Variants in DLGAP1 observed in about 807,000 individuals in gnomAD.
DLGAP1 encodes the protein DLG associated protein 1.
In DLGAP1, 11 loss-of-function variants were observed where a neutral mutation model predicts 90.8. The observed-to-expected ratio is 0.12, with a 90% confidence interval of 0.08 to 0.20. DLGAP1 has a LOEUF of 0.20. DLGAP1 is among the 10% of genes least tolerant of loss of function. The pLI is 1.00. For synonymous variants in DLGAP1, 558 were observed against 540.7 expected, an observed-to-expected ratio of 1.03 and a Z score of -0.44; for missense variants, 1,050 against 1,333.8, an observed-to-expected ratio of 0.79 and a Z score of 3.31.
intron 1 of DLGAP1, among the ~76,000 whole-genome samples, chr18:4,392,952 G>A (rs138248143): frequency 3.8e-4 from 55 of 145,494 alleles, no homozygotes; most frequent in African/African-American, 1.4e-3. Flanking sequence ...TGCCTTATAC[G>A]TAATCCATCA....
rs556378529 is a variant in DLGAP1, at chr18:3,772,140, CTCCT to C, written c.1173-29632_1173-29629del. ...CCTTTCTTTCTTTTCTTTTCTTTCT[CTCCT>C]TCCTTCCTTCCCTTTCTTTCTCTCC... is the stretch of plus-strand genomic sequence containing the variant. On this transcript the variant is annotated intron_variant, in intron 5 of 12. Coordinates refer to ENST00000315677, the MANE Select transcript of DLGAP1 (RefSeq NM_004746.4). Among the ~76,000 whole-genome samples, 921 of 142,600 alleles carry C rather than the reference CTCCT, an allele frequency of 6.5e-3. 6 individuals carry two copies. The highest frequency in any genetic ancestry group is 8.3e-3 in the Non-Finnish European group (556 of 67,170). 93.6% of individuals were successfully genotyped at this position (142,600 alleles called of 152,430 possible). A position where few individuals can be genotyped will look rare whatever the true frequency, so the allele number is the denominator to read the frequency against.
At chr18:4,313,550 G>A (rs186328296) in intron 1 of DLGAP1, among the ~76,000 whole-genome samples, 20 of 152,266 alleles carry the variant, frequency 1.3e-4, no homozygotes, top group Admixed American at 6.5e-4. Context: ...ACAGTTCATT[G>A]AGGGTGAAAA....
intron 4 of DLGAP1, among the ~76,000 whole-genome samples, chr18:3,843,789 A>G (rs2068852791): frequency 6.6e-6 from 1 of 152,210 alleles, no homozygotes; most frequent in Non-Finnish European, 1.5e-5. Flanking sequence ...TATTGTTGTT[A>G]AAAATTAACT....
At chr18:4,211,661 C>T (rs2077844750) in intron 1 of DLGAP1, among the ~76,000 whole-genome samples, 1 of 152,112 alleles carries the variant, frequency 6.6e-6, no homozygotes, top group African/African-American at 2.4e-5. Context: ...CCCTGCATTT[C>T]ACCCAGAAAG....
In DLGAP1 at chr18:3,879,848, T is replaced by C. The variant is rs2071104027; in HGVS notation, c.221A>G (p.His74Arg). 1 of 1,609,822 alleles carries C rather than the reference T, an allele frequency of 6.2e-7. No homozygotes were observed. Among genetic ancestry groups the C allele is most frequent in the Non-Finnish European group, 8.5e-7 (1 of 1,179,748 alleles). The change falls in exon 4 of 13, where the codon CAC becomes CGC. Residue 74 changes from histidine (H) to arginine (R), a missense_variant. By Grantham distance (29) the His-to-Arg change is conservative. This residue lies in a region of DLGAP1 where 485 missense variants were observed against 454.1 expected (regional missense o/e 1.07). Coordinates refer to ENST00000315677, the MANE Select transcript of DLGAP1 (RefSeq NM_004746.4). The surrounding 1 kb of genome is among the most constrained non-coding windows in gnomAD (Gnocchi z 6.6). ...CTTCAGCTCTTGCTGCGAGGTGTAG[T>C]GCCTGCGGGGGAAGGTGCTGCTGGC... ...PLASSTFPRR[H>R]YTSQQELKDE... is the part of the protein sequence containing the mutation.
At chr18:3,643,890 G>T (rs1203676441) in intron 7 of DLGAP1, among the ~76,000 whole-genome samples, 1 of 152,058 alleles carries the variant, frequency 6.6e-6, no homozygotes, top group Non-Finnish European at 1.5e-5. Context: ...AGCCTACGGA[G>T]GGTAATTTGG....
intron 9 of DLGAP1, among the ~76,000 whole-genome samples, chr18:3,539,990 T>TA (rs1205364952): frequency 2.6e-5 from 4 of 152,110 alleles, no homozygotes; most frequent in African/African-American, 9.7e-5. Context: ...TTAGACATTT[T>TA]AAACTAAGCC....
chr18:3,913,365 C>T (rs1215923768), intron 3 of DLGAP1, among the ~76,000 whole-genome samples: 1 of 152,138 alleles, frequency 6.6e-6, no homozygotes, highest in Non-Finnish European at 1.5e-5. Flanking sequence ...TATAGGATTA[C>T]AGACGTGAAC....
chr18:3,686,754 T>C (rs2146962288), intron 7 of DLGAP1, among the ~76,000 whole-genome samples: 1 of 152,296 alleles, frequency 6.6e-6, no homozygotes, highest in Non-Finnish European at 1.5e-5. Flanking sequence ...ATCCTGCACA[T>C]AGAACAGATG....
intron 3 of DLGAP1, among the ~76,000 whole-genome samples, chr18:3,944,710 T>C (rs773427772): frequency 1.2e-4 from 19 of 152,282 alleles, no homozygotes; most frequent in Non-Finnish European, 2.6e-4. Context: ...AAAGTATATT[T>C]ATTCCTTTTA....
chr18:3,828,843 T>C (rs2067879020), intron 4 of DLGAP1, among the ~76,000 whole-genome samples: 2 of 152,112 alleles, frequency 1.3e-5, no homozygotes, highest in South Asian at 4.1e-4. Context: ...AAATCATTAG[T>C]ACTAACAATG....
intron 4 of DLGAP1, among the ~76,000 whole-genome samples, chr18:3,820,094 T>C (rs1011821050): frequency 3.9e-5 from 6 of 152,274 alleles, no homozygotes; most frequent in Non-Finnish European, 7.3e-5. Context: ...TGTGAGACGA[T>C]GATTGAGAGA....
intron 4 of DLGAP1, chr18:3,874,343 T>C (rs72863445): frequency 0.022 from 34,018 of 1,512,182 alleles, 480 homozygotes; most frequent in Non-Finnish European, 0.027. Context: ...GAGCGTTTTG[T>C]TTCCCTTTTC....
chr18:4,325,666 C>T (rs967118209), intron 1 of DLGAP1, among the ~76,000 whole-genome samples: 1 of 152,014 alleles, frequency 6.6e-6, no homozygotes, highest in African/African-American at 2.4e-5. Context: ...CAAAAATAGA[C>T]ACATAGACCA....
intron 1 of DLGAP1, among the ~76,000 whole-genome samples, chr18:4,251,121 A>C (rs781660995): frequency 1.3e-5 from 2 of 152,198 alleles, no homozygotes; most frequent in Non-Finnish European, 2.9e-5. Context: ...AAGGGTCTTT[A>C]AATCCTCCTG....
intron 5 of DLGAP1, among the ~76,000 whole-genome samples, chr18:3,744,408 T>C (rs2063181963): frequency 6.6e-6 from 1 of 152,122 alleles, no homozygotes; most frequent in Non-Finnish European, 1.5e-5. Context: ...TCAAATTTTA[T>C]GAAGAAAATG....
chr18:4,296,974 G>A (rs1031773789), intron 1 of DLGAP1, among the ~76,000 whole-genome samples: 5 of 152,078 alleles, frequency 3.3e-5, no homozygotes, highest in African/African-American at 7.2e-5. Context: ...GTTATTTTTC[G>A]GGTAATGGCA....
intron 9 of DLGAP1, among the ~76,000 whole-genome samples, chr18:3,537,180 G>A (rs556272843): frequency 1.3e-5 from 2 of 152,228 alleles, no homozygotes; most frequent in East Asian, 3.9e-4. Context: ...CATTGCATGT[G>A]CAACCATCGC....
At chr18:3,636,707 T>C (rs1439692664) in intron 7 of DLGAP1, among the ~76,000 whole-genome samples, 1 of 140,730 alleles carries the variant, frequency 7.1e-6, no homozygotes, top group Non-Finnish European at 1.5e-5. Flanking sequence ...TAAGCCACCA[T>C]GCTCGGCCAC....
Sources: gnomAD v4.1 joint callset for allele counts (sites outside exome capture counted in the v4.1 genomes callset) on GRCh38, gnomAD v4.1.1 for gene constraint, gnomAD v4.1.1 regional missense constraint, Gnocchi (gnomAD v3.1) non-coding constraint, MANE v1.5 for transcripts, NCBI Gene and HGNC (gene_info 2026-07-23, HGNC 2026-07-21) for gene names.